EDIL3: variants seen among roughly 807,000 people sequenced by gnomAD.
EDIL3 encodes the protein EGF-like repeat and discoidin I-like domain-containing protein 3.
In EDIL3, 37 loss-of-function variants were observed where a neutral mutation model predicts 67.4. That is an observed-to-expected ratio of 0.55 (90% CI 0.42 to 0.72). The LOEUF (loss-of-function observed/expected upper bound fraction) is 0.72. EDIL3 is among the 30% of genes least tolerant of loss of function. The pLI is 0.00. For synonymous variants in EDIL3, 195 were observed against 196.3 expected, an observed-to-expected ratio of 0.99 and a Z score of 0.05; for missense variants, 527 against 586.3, an observed-to-expected ratio of 0.90 and a Z score of 1.04.
At chr5:84,380,596 AAAT>A (rs1255711833) in intron 1 of EDIL3, among the ~76,000 whole-genome samples, 1 of 152,112 alleles carries the variant, frequency 6.6e-6, no homozygotes, top group Non-Finnish European at 1.5e-5. Context: ...AGTAAACAAC[AAAT>A]ATCAGAATTA....
At chr5:84,276,493 C>T (rs984664552) in intron 1 of EDIL3, among the ~76,000 whole-genome samples, 1 of 152,098 alleles carries the variant, frequency 6.6e-6, no homozygotes, top group African/African-American at 2.4e-5. Context: ...CATAATCTTA[C>T]TCAAGCATTT....
At chr5:84,051,179 C>T (rs112175102) in intron 9 of EDIL3, among the ~76,000 whole-genome samples, 8,721 of 152,216 alleles carry the variant, frequency 0.057, 843 homozygotes, top group African/African-American at 0.2. Context: ...CTGCAGCCTC[C>T]GCTGCTGATA....
chr5:84,316,607 A>G (rs1019300483), intron 1 of EDIL3, among the ~76,000 whole-genome samples: 8 of 152,116 alleles, frequency 5.3e-5, no homozygotes, highest in African/African-American at 1.9e-4. Flanking sequence ...CAGATTCATA[A>G]AGCAAGTTCT....
intron 3 of EDIL3, among the ~76,000 whole-genome samples, chr5:84,225,731 T>C (rs775451047): frequency 1.3e-5 from 2 of 151,556 alleles, no homozygotes; most frequent in African/African-American, 2.4e-5. Flanking sequence ...ACTATTGAAT[T>C]ATAATCGACC....
chr5:83,993,631 G>A (rs1207387035), intron 9 of EDIL3, among the ~76,000 whole-genome samples: 1 of 152,110 alleles, frequency 6.6e-6, no homozygotes, highest in Non-Finnish European at 1.5e-5. Context: ...AATAGCTACT[G>A]AATCTCTTGG....
At chr5:84,303,584 A>G (rs1029299472) in intron 1 of EDIL3, among the ~76,000 whole-genome samples, 1 of 152,184 alleles carries the variant, frequency 6.6e-6, no homozygotes, top group Non-Finnish European at 1.5e-5. Flanking sequence ...ATGAATTTAG[A>G]GATTAAAGGC....
intron 3 of EDIL3, among the ~76,000 whole-genome samples, chr5:84,206,931 T>A (rs1006966461): frequency 6.6e-6 from 1 of 152,154 alleles, no homozygotes; most frequent in Non-Finnish European, 1.5e-5. Context: ...AAACCCACAG[T>A]CAATATCATA....
chr5:84,058,962 A>C (rs1464432373), intron 9 of EDIL3, among the ~76,000 whole-genome samples: 1 of 150,250 alleles, frequency 6.7e-6, no homozygotes, highest in Non-Finnish European at 1.5e-5. Context: ...TAGGAGAAAG[A>C]CTTACATTAT....
intron 6 of EDIL3, among the ~76,000 whole-genome samples, chr5:84,091,445 T>G (rs1747164343): frequency 6.6e-6 from 1 of 152,198 alleles, no homozygotes; most frequent in South Asian, 2.1e-4. Flanking sequence ...CTAACTACAT[T>G]CAATTAGTTT....
intron 6 of EDIL3, among the ~76,000 whole-genome samples, chr5:84,093,773 C>T (rs1264574069): frequency 2.0e-5 from 3 of 150,970 alleles, no homozygotes; most frequent in Admixed American, 6.6e-5. Flanking sequence ...GATTCTCCTG[C>T]CTCAGCCTCC....
At chr5:84,260,653 G>A (rs756200287) in intron 1 of EDIL3, among the ~76,000 whole-genome samples, 16 of 152,056 alleles carry the variant, frequency 1.1e-4, no homozygotes, top group Non-Finnish European at 1.8e-4. Flanking sequence ...TACTGTTAAT[G>A]TATTTATGTA....
At chr5:84,239,451 A>G (rs988696227) in intron 2 of EDIL3, among the ~76,000 whole-genome samples, 1 of 151,456 alleles carries the variant, frequency 6.6e-6, no homozygotes, top group African/African-American at 2.4e-5. Flanking sequence ...TTTTTTTTTT[A>G]ATTATATTTT....
chr5:84,141,951 A>ATATATATATATATATACATAGATC (rs1561443850), intron 4 of EDIL3, among the ~76,000 whole-genome samples: 1 of 97,760 alleles, frequency 1.0e-5, no homozygotes, highest in Non-Finnish European at 2.1e-5. Context: ...ATATATACAT[A>ATATATATATATATATACATAGATC]GATCTATCTA....
chr5:84,053,377 C>G (rs1472615409), intron 9 of EDIL3, among the ~76,000 whole-genome samples: 3 of 151,924 alleles, frequency 2.0e-5, no homozygotes, highest in Non-Finnish European at 2.9e-5. Flanking sequence ...AAATTGACAC[C>G]CTAACATCAC....
At chr5:84,346,136 T>TTTTC (rs1554043523) in intron 1 of EDIL3, among the ~76,000 whole-genome samples, 1 of 46,524 alleles carries the variant, frequency 2.1e-5, no homozygotes, top group African/African-American at 6.8e-5. Flanking sequence ...TTTTTTTTTC[T>TTTTC]TTTTTTTTTT....
intron 1 of EDIL3, among the ~76,000 whole-genome samples, chr5:84,371,039 A>T (rs567586762): frequency 1.8e-4 from 27 of 152,190 alleles, no homozygotes; most frequent in African/African-American, 6.5e-4. Context: ...TCCTGCCTTC[A>T]TCAAGCTTAC....
At chr5:84,176,226 T>TATAA (rs1299493989) in intron 4 of EDIL3, among the ~76,000 whole-genome samples, 1 of 133,068 alleles carries the variant, frequency 7.5e-6, no homozygotes, top group Non-Finnish European at 1.6e-5. Flanking sequence ...TATATATATA[T>TATAA]AATATATTGT....
At chr5:84,310,833 A>G (rs375325017) in intron 1 of EDIL3, among the ~76,000 whole-genome samples, 74 of 152,298 alleles carry the variant, frequency 4.9e-4, no homozygotes, top group African/African-American at 1.6e-3. Flanking sequence ...AGATTAAAAC[A>G]TAAGTCATTT....
At chr5:84,105,180 C>T (rs1007692271) in intron 6 of EDIL3, among the ~76,000 whole-genome samples, 2 of 152,078 alleles carry the variant, frequency 1.3e-5, no homozygotes, top group Non-Finnish European at 2.9e-5. Context: ...CGATCCTTCA[C>T]AAGTGTGATA....
Sources: allele counts gnomAD v4.1 joint callset (sites outside exome capture counted in the v4.1 genomes callset), GRCh38; gene constraint gnomAD v4.1.1; transcripts MANE v1.5; gene names NCBI Gene and HGNC (gene_info 2026-07-23, HGNC 2026-07-21).